GET4: variants seen among roughly 807,000 people sequenced by gnomAD.
The protein encoded by GET4 is guided entry of tail-anchored proteins factor 4, also known as Golgi to ER traffic protein 4 homolog.
GET4 carries 20 observed loss-of-function variants against 40.0 expected under a neutral mutation model. The ratio of observed to expected loss-of-function variants is 0.50; its 90% CI spans 0.35 to 0.73. The LOEUF is 0.73. GET4 is among the 30% of genes least tolerant of loss of function. The pLI is 0.01. For synonymous variants in GET4, 280 were observed against 194.6 expected (o/e 1.44, Z -3.65); for missense variants, 557 against 454.0 (o/e 1.23, Z -2.06).
At chr7:888,089 C>T (rs996561505) in intron 4 of GET4, among the ~76,000 whole-genome samples, 23 of 152,168 alleles carry the variant, frequency 1.5e-4, no homozygotes, top group African/African-American at 9.7e-5. Flanking sequence ...CAAGTGGCAC[C>T]AGCGCTGTGA....
At chr7:892,215 C>A in intron 5 of GET4, 63 bp from the exon 6 acceptor site, 1 of 1,543,446 alleles carries the variant, frequency 6.5e-7, no homozygotes, top group East Asian at 2.3e-5. Flanking sequence ...CGGAGGCCGG[C>A]GCCTGTGCGG....
chr7:892,376 C>T lies in GET4; in HGVS notation c.704C>T (p.Pro235Leu). ...SIEDGPPFVE[P>L]LLNFIWFLLL... ...GAGGACGGGCCTCCGTTTGTGGAGC[C>T]GCTGCTTAACTTCATCTGGTTCCTG... is the stretch of plus-strand genomic sequence containing the variant. The change falls in exon 6 of 9, where the codon CCG (proline) becomes CTG (leucine). Residue 235 changes from proline to leucine, a missense_variant. By Grantham distance (98) the Pro-to-Leu change is moderately conservative. Transcript: ENST00000265857. 3.1e-6 allele frequency: 5 copies of T among 1,593,394 alleles called. No homozygotes were observed. Among genetic ancestry groups the T allele is most frequent in the Non-Finnish European group, 4.3e-6 (5 of 1,162,894 alleles).
rs750542216 is a variant in GET4 at position 887,297 on chromosome 7, T to G, written c.317-73T>G. The G allele has an allele frequency of 4.1e-6, 6 of 1,447,360 alleles. No homozygotes were observed. The South Asian group carries it at 7.1e-5, about 17-fold the overall frequency. 89.7% of individuals were successfully genotyped at this position (1,447,360 alleles called of 1,614,324 possible). On this transcript the variant is annotated intron_variant, in intron 3 of 8. Transcript: ENST00000265857. ...TAAGTAGTTGCGAATGGAAATCCAC[T>G]TCTGTGGGGAATGTGGGACAGAGAG... is the stretch of plus-strand genomic sequence containing the variant.
intron 6 of GET4, among the ~76,000 whole-genome samples, chr7:893,198 CGGT>C (rs1383208914): frequency 2.2e-5 from 1 of 44,804 alleles, no homozygotes; most frequent in African/African-American, 9.2e-5. Context: ...GGCGCGGGCG[CGGT>C]GGTGTGTGCA....
intron 1 of GET4, chr7:878,321 T>C (rs750094146): frequency 2.1e-6 from 1 of 470,754 alleles, no homozygotes; most frequent in Non-Finnish European, 4.4e-6. Flanking sequence ...GAATGTTCAG[T>C]TGTTCTGTGT....
chr7:891,604 G>A lies in GET4; in HGVS notation c.605+538G>A, dbSNP rs376293226. ...CTGCCTGCTCCAGGGGCTGGCCTTC[G>A]CTTCCTTTCTCACGAAAGCCTTACT... On this transcript the variant is annotated intron_variant, in intron 5 of 8. Coordinates refer to ENST00000265857, the MANE Select transcript of GET4 (RefSeq NM_015949.3). Among the ~76,000 whole-genome samples, 921 of 152,268 alleles carry A rather than the reference G, an allele frequency of 6.0e-3. 3 individuals carry two copies. The highest frequency in any genetic ancestry group is 0.024 in the South Asian group (115 of 4,824).
chr7:878,859 G>C (rs1844023253), intron 1 of GET4, among the ~76,000 whole-genome samples: 1 of 152,206 alleles, frequency 6.6e-6, no homozygotes, highest in African/African-American at 2.4e-5. Context: ...GATTACAGGC[G>C]TGAGCCACGG....
Position 893,752 on chromosome 7 carries a change from G to T in GET4, c.759G>T (p.Thr253=). ...GTCTCTGTCCCAGTGGGAAGCTGAC[G>T]GTGTTCACTGTGCTGTGTGAGCAGT... ...LLLAVDGGKL[T]VFTVLCEQYQ... is the part of the protein sequence containing the mutation. Residue 253 remains threonine (T), a synonymous_variant, in exon 7 of 9, where the codon ACG becomes ACT. Coordinates refer to ENST00000265857, the MANE Select transcript of GET4 (RefSeq NM_015949.3). 1 of 1,606,352 alleles carries T rather than the reference G, an allele frequency of 6.2e-7. No homozygotes were observed. Among genetic ancestry groups the T allele is most frequent in the Non-Finnish European group, 8.5e-7 (1 of 1,174,538 alleles).
rs762060964 is a variant in GET4, at chr7:893,949, G to T, written c.873G>T (p.Thr291=). ...QLFFGVPPKQ[T]SSYGGLLGNL... ...TCTTCGGCGTCCCGCCCAAGCAGAC[G>T]TCTTCCTACGGGGGCCTGCTCGGTA... is the stretch of plus-strand genomic sequence containing the variant. The change falls in exon 8 of 9, where the codon ACG becomes ACT. Residue 291 remains threonine (T), a synonymous_variant. Coordinates refer to ENST00000265857, the MANE Select transcript of GET4 (RefSeq NM_015949.3). 3 of 1,604,956 alleles carry T rather than the reference G, an allele frequency of 1.9e-6. No homozygotes were observed.
chr7:876,706 G>A lies in GET4; in HGVS notation c.61G>A (p.Gly21Ser). 8.8e-6 allele frequency: 12 copies of A among 1,362,376 alleles called. No homozygotes were observed. The highest frequency in any genetic ancestry group is 1.1e-5 in the Non-Finnish European group (11 of 1,042,994). 84.4% of individuals were successfully genotyped at this position (1,362,376 alleles called of 1,614,324 possible). ...ESARNGGRNR[G>S]GVQRVEGKLR... ...CGCCCGGAACGGCGGCCGCAACCGC[G>A]GCGGCGTCCAGCGTGTGGAGGGCAA... is the stretch of plus-strand genomic sequence containing the variant. Residue 21 changes from glycine to serine, a missense_variant, in exon 1 of 9, where the codon GGC becomes AGC. Physicochemically the swap from Gly to Ser is moderately conservative, Grantham distance 56. Coordinates refer to ENST00000265857, the MANE Select transcript of GET4 (RefSeq NM_015949.3).
In GET4 at chr7:895,679, C is replaced by G. The variant is rs1463464239; in HGVS notation, c.*257C>G. The G allele has an allele frequency of 3.1e-6, 1 of 326,120 alleles. No homozygotes were observed. Among genetic ancestry groups the G allele is most frequent in the Non-Finnish European group, 5.7e-6 (1 of 176,534 alleles). The allele number at this position is 326,120 out of a possible 1,614,324, so 20.2% of individuals were successfully genotyped here. A position where few individuals can be genotyped will look rare whatever the true frequency, so the allele number is the denominator to read the frequency against. On this transcript the variant is annotated 3_prime_UTR_variant, in exon 9 of 9. Transcript: ENST00000265857. ...AGATTGACCCACAATAAAGCACAGG[C>G]CTTACCGCGGCGTCACCCTCTCCCA...
intron 3 of GET4, 57 bp downstream of exon 3, chr7:886,707 C>T (rs978556755): frequency 1.8e-5 from 20 of 1,097,428 alleles, no homozygotes; most frequent in Admixed American, 6.8e-5. Flanking sequence ...GTACGCCCCT[C>T]CCCGGGTCTC....
intron 5 of GET4, among the ~76,000 whole-genome samples, chr7:891,593 G>A (rs974407249): frequency 6.6e-6 from 1 of 152,252 alleles, no homozygotes; most frequent in African/African-American, 2.4e-5. Context: ...CTGCTCCAGG[G>A]GCTGGCCTTC....
chr7:886,111 C>G lies in GET4; in HGVS notation c.211C>G (p.Leu71Val). ...EARELMYSGA[L>V]LFFSHGQQNS... ...CCGGGAGCTCATGTACTCGGGAGCC[C>G]TGCTCTTCTTCAGCCATGGCCAGGT... Residue 71 changes from leucine (L) to valine (V), a missense_variant, in exon 2 of 9, where the codon CTG becomes GTG. Transcript: ENST00000265857. 1 of 1,609,100 alleles carries G rather than the reference C, an allele frequency of 6.2e-7. No homozygotes were observed.
chr7:893,734 T>G lies in GET4; in HGVS notation c.747-6T>G. ...CCCAGCACATCCCTGTGTGTCTCTG[T>G]CCCAGTGGGAAGCTGACGGTGTTCA... is the stretch of plus-strand genomic sequence containing the variant. On this transcript the variant is annotated splice_region_variant and splice_polypyrimidine_tract_variant and intron_variant, in intron 6 of 8. Coordinates refer to ENST00000265857, the MANE Select transcript of GET4 (RefSeq NM_015949.3). The G allele has an allele frequency of 6.3e-7, 1 of 1,592,124 alleles. No individual in the cohort carries two copies. The highest frequency in any genetic ancestry group is 2.2e-5 in the East Asian group (1 of 44,662).
At chr7:877,641 G>T (rs1585485673) in intron 1 of GET4, among the ~76,000 whole-genome samples, 1 of 50,078 alleles carries the variant, frequency 2.0e-5, no homozygotes, top group South Asian at 6.7e-4. Context: ...CCCCAACTCC[G>T]CTTCCTTCCG....
chr7:887,169 T>TCCTC (rs1299015181), intron 3 of GET4: 12 of 734,664 alleles, frequency 1.6e-5, no homozygotes, highest in Non-Finnish European at 2.8e-5. Flanking sequence ...CGTCCTTCCT[T>TCCTC]CCTCGCTGTG....
At position 887,442 on chromosome 7, in the gene GET4, T is replaced by C; in HGVS notation, c.389T>C (p.Leu130Pro). The change falls in exon 4 of 9, where the codon CTG (leucine) becomes CCG (proline). Residue 130 changes from leucine to proline, a missense_variant. By Grantham distance (98) the Leu-to-Pro change is moderately conservative. Coordinates refer to ENST00000265857, the MANE Select transcript of GET4 (RefSeq NM_015949.3). ...PERVTFVSRA[L>P]KWSSGGSGKL... ...CGCGTGACCTTTGTGTCCAGAGCCC[T>C]GAAGTGGTCCAGTGGGGGCTCCGGG... 1 of 1,602,098 alleles carries C rather than the reference T, an allele frequency of 6.2e-7. No homozygotes were observed. Among genetic ancestry groups the C allele is most frequent in the Non-Finnish European group, 8.5e-7 (1 of 1,172,812 alleles).
In GET4 at chr7:886,482, C is replaced by G. The variant is rs552472474; in HGVS notation, c.235-87C>G. On this transcript the variant is annotated intron_variant, in intron 2 of 8. Transcript: ENST00000265857. ...CTCCTCAGCACCGGCCGCACTCTGG[C>G]TTCTGCTGGAAACCCAGCCTTGTCT... The G allele has an allele frequency of 2.9e-5, 28 of 967,080 alleles. No individual in the cohort carries two copies. The East Asian group carries it at 6.7e-4, about 23-fold the overall frequency. 59.9% of individuals were successfully genotyped at this position (967,080 alleles called of 1,614,324 possible).
Sources: gnomAD v4.1 joint callset for allele counts (sites outside exome capture counted in the v4.1 genomes callset) on GRCh38, gnomAD v4.1.1 for gene constraint, MANE v1.5 for transcripts, NCBI Gene and HGNC (gene_info 2026-07-23, HGNC 2026-07-21) for gene names.